The following TESK2 variants were observed in gnomAD, a reference collection of about 807,000 sequenced individuals.
The protein encoded by TESK2 is testis associated actin remodelling kinase 2.
Under a neutral mutation model 57.1 loss-of-function variants are expected in TESK2, and 39 were observed. The ratio of observed to expected loss-of-function variants is 0.68; its 90% CI spans 0.53 to 0.89. The LOEUF is 0.89. Ranked by LOEUF, TESK2 falls within the 40% of genes least tolerant of loss-of-function variation. TESK2 has a pLI of 0.00. For synonymous variants in TESK2, 249 were observed against 267.9 expected (o/e 0.93, Z 0.69); for missense variants, 646 against 732.1 (o/e 0.88, Z 1.36).
chr1:45,475,080 AAAG>A (rs1257585533), intron 1 of TESK2, among the ~76,000 whole-genome samples: 42 of 144,258 alleles, frequency 2.9e-4, no homozygotes, highest in African/African-American at 8.9e-4. Flanking sequence ...AAAAAAAAAA[AAAG>A]AAAAGAAAAG....
At chr1:45,413,791 C>A (rs11811066) in intron 3 of TESK2, 96 of 455,764 alleles carry the variant, frequency 2.1e-4, no homozygotes, top group African/African-American at 1.4e-3. Flanking sequence ...CTGTGTAATC[C>A]TAGGGTTCCA....
At chr1:45,406,318 T>C (rs1649847272) in intron 3 of TESK2, among the ~76,000 whole-genome samples, 1 of 152,174 alleles carries the variant, frequency 6.6e-6, no homozygotes, top group Non-Finnish European at 1.5e-5. Flanking sequence ...CAACTAAATG[T>C]TAGGGCAAAA....
chr1:45,436,178 C>CTTAT (rs1557573084), intron 2 of TESK2, among the ~76,000 whole-genome samples: 2 of 12,998 alleles, frequency 1.5e-4, no homozygotes, highest in South Asian at 3.9e-3. Flanking sequence ...ACATTGGTAT[C>CTTAT]TTCTTTTTTT....
chr1:45,351,844 C>G (rs890252115), intron 5 of TESK2, among the ~76,000 whole-genome samples: 5 of 152,156 alleles, frequency 3.3e-5, no homozygotes, highest in Non-Finnish European at 5.9e-5. Flanking sequence ...ACTTTATACT[C>G]TCATAGGCTC....
At chr1:45,458,065 G>A (rs1652178994) in intron 1 of TESK2, among the ~76,000 whole-genome samples, 194 bp from the exon 2 acceptor site, 1 of 152,138 alleles carries the variant, frequency 6.6e-6, no homozygotes, top group South Asian at 2.1e-4. Context: ...TTTACCATGA[G>A]TAGAATATCA....
chr1:45,362,581 G>A lies in TESK2; in HGVS notation c.394-7132C>T, dbSNP rs1647730288. Among the ~76,000 whole-genome samples, 3 of 152,328 alleles carry A rather than the reference G, an allele frequency of 2.0e-5. No individual in the cohort carries two copies. In the South Asian group the frequency reaches 6.2e-4, roughly 32 times the overall value. ...CTGAACAGTGGTTCAAAGGCATTCAGAGAAGGTCTGGAGAAAATATCAACT... is the reference window on the plus strand; with the variant it reads ...CTGAACAGTGGTTCAAAGGCATTCAAAGAAGGTCTGGAGAAAATATCAACT... On this transcript the variant is annotated intron_variant, in intron 4 of 10. Coordinates refer to ENST00000372086, the MANE Select transcript of TESK2 (RefSeq NM_007170.3).
intron 3 of TESK2, among the ~76,000 whole-genome samples, chr1:45,413,457 GAA>G (rs1650115182): frequency 6.6e-6 from 1 of 152,174 alleles, no homozygotes; most frequent in South Asian, 2.1e-4. Flanking sequence ...TGGCAGAAGA[GAA>G]CCAAGGTATG....
chr1:45,436,288 G>A lies in TESK2; in HGVS notation c.223-14442C>T, dbSNP rs552435711. ...CAACCTCCACCTCCCAGGCTCAAGC[G>A]ATTCTCCTGCCTCAGCCTCCTGAGT... On this transcript the variant is annotated intron_variant, in intron 2 of 10. Coordinates refer to ENST00000372086, the MANE Select transcript of TESK2 (RefSeq NM_007170.3). Among the ~76,000 whole-genome samples, 400 of 135,924 alleles carry A rather than the reference G, an allele frequency of 2.9e-3. 2 individuals are homozygous for A. Among genetic ancestry groups the A allele is most frequent in the African/African-American group, 0.01 (380 of 37,148 alleles). 89.2% of individuals were successfully genotyped at this position (135,924 alleles called of 152,430 possible).
chr1:45,455,647 G>A (rs1557580541), intron 2 of TESK2, among the ~76,000 whole-genome samples: 1 of 152,192 alleles, frequency 6.6e-6, no homozygotes, highest in East Asian at 1.9e-4. Context: ...TTTAGGTGAT[G>A]AGAAAGTTCT....
At chr1:45,394,556 T>C (rs1649277331) in intron 3 of TESK2, among the ~76,000 whole-genome samples, 1 of 151,832 alleles carries the variant, frequency 6.6e-6, no homozygotes, top group Non-Finnish European at 1.5e-5. Flanking sequence ...AGAATCTGAA[T>C]TTCTAAACTC....
chr1:45,432,137 T>A (rs1050150570), intron 2 of TESK2, among the ~76,000 whole-genome samples: 1 of 151,780 alleles, frequency 6.6e-6, no homozygotes, highest in African/African-American at 2.4e-5. Context: ...TGGTCCCAGA[T>A]ACTTGGGAGG....
chr1:45,423,762 AG>A (rs894576369), intron 2 of TESK2, among the ~76,000 whole-genome samples: 1 of 152,184 alleles, frequency 6.6e-6, no homozygotes, highest in African/African-American at 2.4e-5. Context: ...TACTTCTAAA[AG>A]TATTCGCCCT....
At chr1:45,474,697 T>C (rs1652913097) in intron 1 of TESK2, among the ~76,000 whole-genome samples, 1 of 151,058 alleles carries the variant, frequency 6.6e-6, no homozygotes. Context: ...AGTCTCGAAC[T>C]CCTGACCTTG....
At chr1:45,396,349 G>C (rs572649034) in intron 3 of TESK2, among the ~76,000 whole-genome samples, 2 of 152,008 alleles carry the variant, frequency 1.3e-5, no homozygotes, top group African/African-American at 4.8e-5. Flanking sequence ...ACCCGCCTCA[G>C]CCTCCCAAAG....
intron 1 of TESK2, among the ~76,000 whole-genome samples, chr1:45,460,253 C>T (rs1461597004): frequency 2.0e-5 from 3 of 152,048 alleles, no homozygotes; most frequent in South Asian, 4.2e-4. Flanking sequence ...TGGTGACTCA[C>T]GCCTGAAAAA....
chr1:45,397,579 C>A (rs148500813), intron 3 of TESK2, among the ~76,000 whole-genome samples: 4 of 152,260 alleles, frequency 2.6e-5, no homozygotes, highest in African/African-American at 9.6e-5. Flanking sequence ...CATTCTCTCT[C>A]TTTTCTTTTT....
intron 1 of TESK2, among the ~76,000 whole-genome samples, chr1:45,459,161 G>A (rs1328907213): frequency 6.6e-6 from 1 of 152,136 alleles, no homozygotes; most frequent in Non-Finnish European, 1.5e-5. Flanking sequence ...ATGTGCAATT[G>A]GAATTAAATA....
intron 5 of TESK2, among the ~76,000 whole-genome samples, chr1:45,348,302 A>G (rs771087944): frequency 5.9e-5 from 9 of 152,206 alleles, no homozygotes; most frequent in Admixed American, 3.9e-4. Flanking sequence ...GATGAAAACA[A>G]CCAAAACCCT....
At chr1:45,351,948 A>G (rs1294284931) in intron 5 of TESK2, among the ~76,000 whole-genome samples, 1 of 152,228 alleles carries the variant, frequency 6.6e-6, no homozygotes, top group Non-Finnish European at 1.5e-5. Flanking sequence ...CAATCAAGTG[A>G]TATGGAGTGT....
Sources: gnomAD v4.1 joint callset for allele counts (sites outside exome capture counted in the v4.1 genomes callset) on GRCh38, gnomAD v4.1.1 for gene constraint, MANE v1.5 for transcripts, NCBI Gene and HGNC (gene_info 2026-07-23, HGNC 2026-07-21) for gene names.